The following RASD2 variants were observed in gnomAD, a reference collection of about 807,000 sequenced individuals.
RASD2 encodes GTP-binding protein Rhes.
RASD2 carries 7 observed loss-of-function variants against 15.8 expected under a neutral mutation model. The observed-to-expected ratio is 0.44, with a 90% CI of 0.25 to 0.83. RASD2 has a LOEUF of 0.83. Ranked by LOEUF, RASD2 falls within the 40% of genes least tolerant of loss-of-function variation. RASD2 has a pLI of 0.20. For missense variants in RASD2, 274 were observed against 382.8 expected, an observed-to-expected ratio of 0.72 and a Z score of 2.37; for synonymous variants, 155 against 153.6, an observed-to-expected ratio of 1.01 and a Z score of -0.07.
intron 1 of RASD2, among the ~76,000 whole-genome samples, chr22:35,543,033 T>A (rs1041288826): frequency 1.3e-5 from 2 of 152,070 alleles, no homozygotes; most frequent in Admixed American, 1.3e-4. Context: ...TTTCATAGAG[T>A]TAAGAGCCCA....
At chr22:35,545,092 T>C (rs1601812857) in intron 1 of RASD2, among the ~76,000 whole-genome samples, 3 of 152,300 alleles carry the variant, frequency 2.0e-5, no homozygotes, top group African/African-American at 7.2e-5. Context: ...CATTAGTAGC[T>C]TAGAAGTGAC....
At position 35,553,287 on chromosome 22, in the gene RASD2, A is replaced by G. The variant is rs6518958; in HGVS notation, c.*1255A>G. On this transcript the variant is annotated 3_prime_UTR_variant, in exon 3 of 3. Transcript: ENST00000216127. ...GGACCCAGAACTGAGCCTGGGAGGGATCCGACAGAAAAGCTCAGGGCGGGT... is the reference window on the plus strand; with the variant it reads ...GGACCCAGAACTGAGCCTGGGAGGGGTCCGACAGAAAAGCTCAGGGCGGGT... 0.38 allele frequency: 57,467 copies of G among 152,026 alleles called. 12,061 individuals are homozygous for G. Among genetic ancestry groups the G allele is most frequent in the East Asian group, 0.59 (2,998 of 5,112 alleles). The allele number at this position is 152,026 out of a possible 1,614,324, so 9.4% of individuals were successfully genotyped here.
chr22:35,542,950 C>A lies in RASD2; in HGVS notation c.-10+1450C>A, dbSNP rs555798174. On this transcript the variant is annotated intron_variant, in intron 1 of 2. Transcript: ENST00000216127. The stretch of plus-strand genomic sequence containing the variant: ...ATAGTATGTCTCGGCGTCATCCCCC[C>A]GCCTGATGCCAGCTGAGGCTTCACT... Among the ~76,000 whole-genome samples, 3 of 152,332 alleles carry A rather than the reference C, an allele frequency of 2.0e-5. No individual in the cohort carries two copies. The East Asian group carries it at 5.8e-4, about 29-fold the overall frequency.
upstream of RASD2, among the ~76,000 whole-genome samples, chr22:35,540,013 G>A (rs1477004300): frequency 6.6e-6 from 1 of 152,230 alleles, no homozygotes; most frequent in Non-Finnish European, 1.5e-5. Context: ...GCCCCTCTGG[G>A]CGACACGTGC....
upstream of RASD2, among the ~76,000 whole-genome samples, chr22:35,538,610 G>C (rs1934279443): frequency 6.6e-6 from 1 of 152,110 alleles, no homozygotes; most frequent in Non-Finnish European, 1.5e-5. Flanking sequence ...CAGAGGCTGG[G>C]GCAAGTGGAC....
intron 1 of RASD2, among the ~76,000 whole-genome samples, chr22:35,544,029 C>G (rs763358309): frequency 6.6e-6 from 1 of 151,488 alleles, no homozygotes; most frequent in East Asian, 1.9e-4. Context: ...CGATTCTCTG[C>G]GTCTTTGACT....
chr22:35,539,870 C>T (rs936373616), upstream of RASD2, among the ~76,000 whole-genome samples: 4 of 152,228 alleles, frequency 2.6e-5, no homozygotes, highest in Non-Finnish European at 5.9e-5. Flanking sequence ...TCAAGCCCCT[C>T]ATTTAAAGGT....
At chr22:35,543,625 G>A (rs1601811675) in intron 1 of RASD2, among the ~76,000 whole-genome samples, 1 of 152,212 alleles carries the variant, frequency 6.6e-6, no homozygotes, top group African/African-American at 2.4e-5. Context: ...GCCCACAGAG[G>A]CACTGTCCCC....
At chr22:35,535,475 C>T in the RASD2 span, among the ~76,000 whole-genome samples, 1 of 152,036 alleles carries the variant, frequency 6.6e-6, no homozygotes, top group South Asian at 2.1e-4. Flanking sequence ...TTATCCAAAT[C>T]TATTGGAACC....
chr22:35,535,509 A>G, the RASD2 span, among the ~76,000 whole-genome samples: 1 of 152,234 alleles, frequency 6.6e-6, no homozygotes, highest in African/African-American at 2.4e-5. Context: ...ATGAGTAGCA[A>G]GAGTTCAGAC....
At chr22:35,550,005 A>G (rs2145876449) in intron 2 of RASD2, among the ~76,000 whole-genome samples, 1 of 152,330 alleles carries the variant, frequency 6.6e-6, no homozygotes, top group African/African-American at 2.4e-5. Flanking sequence ...TCATGCCTGT[A>G]ATCCCAGCTC....
At chr22:35,545,782 G>A (rs1298897288) in intron 1 of RASD2, among the ~76,000 whole-genome samples, 1 of 152,078 alleles carries the variant, frequency 6.6e-6, no homozygotes, top group Non-Finnish European at 1.5e-5. Context: ...AGCTCAAACT[G>A]ACGAGGGTGA....
At chr22:35,548,810 C>G (rs1934582761) in intron 2 of RASD2, among the ~76,000 whole-genome samples, 1 of 152,150 alleles carries the variant, frequency 6.6e-6, no homozygotes, top group South Asian at 2.1e-4. Context: ...ACCAGAGGCA[C>G]ATGCATCCTG....
Position 35,551,542 on chromosome 22 carries a change from A to G in RASD2, c.311A>G (p.Glu104Gly). The G allele has an allele frequency of 6.2e-7, 1 of 1,613,174 alleles. No individual in the cohort carries two copies. The highest frequency in any genetic ancestry group is 8.5e-7 in the Non-Finnish European group (1 of 1,179,274). Residue 104 changes from glutamate (E) to glycine (G), a missense_variant, in exon 3 of 3, where the codon GAG becomes GGG. By Grantham distance (98) the Glu-to-Gly change is moderately conservative. Transcript: ENST00000216127. This position sits in a 1 kb window ranked among gnomAD's most constrained non-coding sequence, Gnocchi z 4.9. ...FILVFSLDNRESFDEVKRLQK... is the reference protein window; with the variant it reads ...FILVFSLDNRGSFDEVKRLQK... ...CTGGTGTTCAGCCTGGATAACCGGG[A>G]GTCCTTCGATGAGGTCAAGCGCCTT... is the stretch of plus-strand genomic sequence containing the variant.
Position 35,552,368 on chromosome 22 carries a change from A to C in RASD2, c.*336A>C. On this transcript the variant is annotated 3_prime_UTR_variant, in exon 3 of 3. Coordinates refer to ENST00000216127, the MANE Select transcript of RASD2 (RefSeq NM_014310.4). ...AGAGGGGTGAGGATTGCTGCGTCAT[A>C]TGGAGCCTCCTGGGACAAGCCTCAG... 1.5e-5 allele frequency: 5 copies of C among 324,558 alleles called. No homozygotes were observed. Among genetic ancestry groups the C allele is most frequent in the East Asian group, 5.8e-5 (1 of 17,140 alleles). 20.1% of individuals were successfully genotyped at this position (324,558 alleles called of 1,614,324 possible).
rs1934653452 is a variant in RASD2, at chr22:35,551,125, C to G, written c.272-378C>G. Among the ~76,000 whole-genome samples the G allele has an allele frequency of 6.6e-6, 1 of 152,218 alleles. No individual in the cohort carries two copies. The highest frequency in any genetic ancestry group is 1.5e-5 in the Non-Finnish European group (1 of 68,034). On this transcript the variant is annotated intron_variant, in intron 2 of 2. Transcript: ENST00000216127. The surrounding 1 kb of genome is among the most constrained non-coding windows in gnomAD (Gnocchi z 4.9). ...CAAACTAGGCATTGAGCAAGACAGG[C>G]AGGACCCCTGCTCTCATAGAAATGA...
At chr22:35,544,512 C>T (rs1248260866) in intron 1 of RASD2, among the ~76,000 whole-genome samples, 1 of 152,250 alleles carries the variant, frequency 6.6e-6, no homozygotes, top group Non-Finnish European at 1.5e-5. Context: ...TTCAGGCAAA[C>T]CCAAAGACAG....
intron 1 of RASD2, among the ~76,000 whole-genome samples, chr22:35,541,954 T>C (rs573076407): frequency 1.3e-5 from 2 of 152,338 alleles, no homozygotes; most frequent in South Asian, 2.1e-4. Context: ...GCTCCTTCGT[T>C]ATCCAGAGTT....
intron 2 of RASD2, among the ~76,000 whole-genome samples, chr22:35,550,013 C>A (rs1934617240): frequency 6.6e-6 from 1 of 152,164 alleles, no homozygotes; most frequent in South Asian, 2.1e-4. Flanking sequence ...GTAATCCCAG[C>A]TCTTTGGGAG....
Sources: allele counts gnomAD v4.1 joint callset (sites outside exome capture counted in the v4.1 genomes callset), GRCh38; gene constraint gnomAD v4.1.1; non-coding constraint Gnocchi (gnomAD v3.1); transcripts MANE v1.5; gene names NCBI Gene and HGNC (gene_info 2026-07-23, HGNC 2026-07-21).